XPA: variants seen among roughly 807,000 people sequenced by gnomAD.
XPA encodes the protein XPA, DNA damage recognition and repair factor.
A neutral mutation model predicts 35.7 loss-of-function variants in XPA; 27 were observed. The observed-to-expected ratio is 0.76, with a 90% CI of 0.56 to 1.04. The LOEUF (loss-of-function observed/expected upper bound fraction) is 1.04, where lower values mean the gene tolerates loss of function less well. Among genes scored for constraint, XPA ranks in the 50% least tolerant of loss-of-function variants. The pLI, the probability that XPA is intolerant of heterozygous loss-of-function variation, is 0.00. For synonymous variants in XPA, 133 were observed against 118.4 expected (o/e 1.12, Z -0.80); for missense variants, 354 against 342.7 (o/e 1.03, Z -0.26).
the XPA span, among the ~76,000 whole-genome samples, chr9:97,663,422 T>C: frequency 2.0e-5 from 3 of 152,200 alleles, no homozygotes; most frequent in African/African-American, 7.2e-5. Flanking sequence ...AAACATTGTT[T>C]TACATTTAAC....
At chr9:97,665,423 T>C in the XPA span, among the ~76,000 whole-genome samples, 4 of 152,230 alleles carry the variant, frequency 2.6e-5, no homozygotes, top group Non-Finnish European at 5.9e-5. Flanking sequence ...CAGAGTGCTT[T>C]ATCCTGCCCA....
the XPA span, chr9:97,669,702 T>C: frequency 6.4e-7 from 1 of 1,570,296 alleles, no homozygotes; most frequent in Non-Finnish European, 8.8e-7. Context: ...CAGATCTTCC[T>C]ACAGGTATGT....
At chr9:97,668,541 C>A in the XPA span, among the ~76,000 whole-genome samples, 351 of 152,324 alleles carry the variant, frequency 2.3e-3, 9 homozygotes, top group East Asian at 0.057. Context: ...CCTGTTGTTA[C>A]TGCTCAAATG....
At chr9:97,676,239 G>C (rs1053828393) in intron 5 of XPA, among the ~76,000 whole-genome samples, 1 of 152,204 alleles carries the variant, frequency 6.6e-6, no homozygotes, top group Non-Finnish European at 1.5e-5. Flanking sequence ...ACTTTATTTT[G>C]CAAGTAGGGA....
chr9:97,695,296 A>G (rs1252943998), intron 1 of XPA, among the ~76,000 whole-genome samples: 2 of 152,220 alleles, frequency 1.3e-5, no homozygotes, highest in African/African-American at 4.8e-5. Flanking sequence ...CCTCTATTAA[A>G]TGAAAGGATT....
In XPA at chr9:97,697,107, G is replaced by T; in HGVS notation, c.172+14C>A. 6.5e-7 allele frequency: 1 copy of T among 1,531,872 alleles called. No homozygotes were observed. The highest frequency in any genetic ancestry group is 8.8e-7 in the Non-Finnish European group (1 of 1,141,192). The allele number at this position is 1,531,872 out of a possible 1,614,324, so 94.9% of individuals were successfully genotyped here. A position where few individuals can be genotyped will look rare whatever the true frequency, so the allele number is the denominator to read the frequency against. On this transcript the variant is annotated intron_variant, in intron 1 of 5. Coordinates refer to ENST00000375128, the MANE Select transcript of XPA (RefSeq NM_000380.4). ...CGGGGAGAGGGAAGGGGAAAGCGCG[G>T]ACGCGGCCCAAACCTCCAGTAGCCG...
At chr9:97,691,840 G>A (rs1587750437) in intron 2 of XPA, among the ~76,000 whole-genome samples, 1 of 148,006 alleles carries the variant, frequency 6.8e-6, no homozygotes, top group South Asian at 2.2e-4. Flanking sequence ...CCAAGATCAT[G>A]CCACTGCACT....
rs767669858 is a variant in XPA at position 97,697,235 on chromosome 9, G to A, written c.58C>T (p.Leu20=). ...EAAALEQPAE[L]PASVRASIER... ...ATACTCGCCCGCACCGAGGCAGGCAGCTCCGCGGGTTGCTCTAAAGCCGCC... is the reference window on the plus strand; with the variant it reads ...ATACTCGCCCGCACCGAGGCAGGCAACTCCGCGGGTTGCTCTAAAGCCGCC... The change falls in exon 1 of 6, where the codon CTG becomes TTG. Residue 20 remains leucine, a synonymous_variant. Transcript: ENST00000375128. 6.2e-6 allele frequency: 10 copies of A among 1,600,846 alleles called. No homozygotes were observed. The highest frequency in any genetic ancestry group is 8.5e-6 in the Non-Finnish European group (10 of 1,179,120).
At chr9:97,660,534 G>A in the XPA span, among the ~76,000 whole-genome samples, 2 of 152,228 alleles carry the variant, frequency 1.3e-5, no homozygotes, top group Non-Finnish European at 2.9e-5. Context: ...CGGTCCCGAG[G>A]AAAGAAAGAG....
downstream of XPA, chr9:97,671,478 C>T: frequency 3.2e-6 from 1 of 317,018 alleles, no homozygotes; most frequent in Non-Finnish European, 5.9e-6. Context: ...CCTTAAGGCA[C>T]AAAATAATTG....
At chr9:97,658,769 T>C in the XPA span, 1 of 1,497,696 alleles carries the variant, frequency 6.7e-7, no homozygotes, top group Admixed American at 1.7e-5. Context: ...AATCCCTCTG[T>C]CTTTAAAAGG....
At chr9:97,673,649 C>G (rs1828264323), downstream of XPA, 1 of 152,190 alleles carries the variant, frequency 6.6e-6, no homozygotes, top group Non-Finnish European at 1.5e-5. Flanking sequence ...TAATGAAGTT[C>G]ATACAGACAA....
In XPA at chr9:97,685,165, T is replaced by C. The variant is rs1358968819; in HGVS notation, c.556-125A>G. On this transcript the variant is annotated intron_variant, in intron 4 of 5. Transcript: ENST00000375128. Reference sequence around the variant, plus strand: ...TCAAGTATAAATTTATAAATACTTATTAGAAATTTAAAGATTTTAAATATT... The same window carrying C: ...TCAAGTATAAATTTATAAATACTTACTAGAAATTTAAAGATTTTAAATATT... The C allele has an allele frequency of 3.3e-5, 23 of 693,822 alleles. No individual in the cohort carries two copies. In the Admixed American group the frequency reaches 5.1e-4, roughly 16 times the overall value. The allele number at this position is 693,822 out of a possible 1,614,324, so 43.0% of individuals were successfully genotyped here.
At chr9:97,670,047 C>T (rs1828139225), downstream of XPA, 2 of 366,410 alleles carry the variant, frequency 5.5e-6, no homozygotes, top group Admixed American at 7.4e-5. Context: ...CTCAGCCTCC[C>T]ATATTGCTGG....
chr9:97,691,791 G>A (rs1587750386), intron 2 of XPA, among the ~76,000 whole-genome samples: 1 of 151,776 alleles, frequency 6.6e-6, no homozygotes, highest in African/African-American at 2.4e-5. Context: ...GCTGAGGTAA[G>A]AGAATCGCTT....
the XPA span, chr9:97,664,560 C>A: frequency 1.5e-6 from 1 of 647,864 alleles, no homozygotes. Context: ...TACTAATGGT[C>A]CAATCTGGTA....
intron 5 of XPA, among the ~76,000 whole-genome samples, chr9:97,682,723 G>A (rs368586235): frequency 3.7e-4 from 56 of 152,198 alleles, no homozygotes; most frequent in Non-Finnish European, 6.9e-4. Flanking sequence ...CAAACTCTTC[G>A]AAAATGAGGA....
At chr9:97,687,015 G>A in intron 4 of XPA, 81 bp downstream of exon 4, 9 of 1,465,626 alleles carry the variant, frequency 6.1e-6, no homozygotes, top group Non-Finnish European at 8.3e-6. Context: ...CACTCTGTAA[G>A]CAAAAGCCAA....
chr9:97,656,662 A>G, the XPA span, among the ~76,000 whole-genome samples: 1 of 152,232 alleles, frequency 6.6e-6, no homozygotes, highest in African/African-American at 2.4e-5. Flanking sequence ...TTCCATAGCT[A>G]TTAACATTTT....
Sources: gnomAD v4.1 joint callset for allele counts (sites outside exome capture counted in the v4.1 genomes callset) on GRCh38, gnomAD v4.1.1 for gene constraint, MANE v1.5 for transcripts, NCBI Gene and HGNC (gene_info 2026-07-23, HGNC 2026-07-21) for gene names.